OTUD7A: variants seen among roughly 807,000 people sequenced by gnomAD.
OTUD7A encodes the protein OTU deubiquitinase 7A, also known as OTU domain-containing protein 7A.
OTUD7A carries 12 observed loss-of-function variants against 65.7 expected under a neutral mutation model. That is an observed-to-expected ratio of 0.18 (90% confidence interval 0.12 to 0.30). The LOEUF (loss-of-function observed/expected upper bound fraction) is 0.30. OTUD7A is among the 10% of genes least tolerant of loss of function. The probability of loss-of-function intolerance (pLI) is 1.00; values close to 1 mark genes in which losing one functional copy is unlikely to be tolerated. For missense variants in OTUD7A, 1,148 were observed against 1,304.8 expected, an observed-to-expected ratio of 0.88 and a Z score of 1.85; for synonymous variants, 641 against 586.3, an observed-to-expected ratio of 1.09 and a Z score of -1.35.
At chr15:31,526,836 C>T (rs772024988) in intron 7 of OTUD7A, among the ~76,000 whole-genome samples, 11 of 152,128 alleles carry the variant, frequency 7.2e-5, no homozygotes, top group Non-Finnish European at 1.5e-4. Flanking sequence ...ACTGAGCTCA[C>T]ACACAGGGGC....
chr15:31,860,630 T>TCC (rs1897696968), intron 1 of OTUD7A, among the ~76,000 whole-genome samples: 1 of 18,526 alleles, frequency 5.4e-5, no homozygotes, highest in Non-Finnish European at 1.7e-4. Flanking sequence ...GAGATATATA[T>TCC]ATATATATAT....
chr15:31,807,780 A>G (rs2140956493), intron 1 of OTUD7A, among the ~76,000 whole-genome samples: 1 of 152,226 alleles, frequency 6.6e-6, no homozygotes, highest in South Asian at 2.1e-4. Context: ...AATGGAAATC[A>G]TATACCAACC....
intron 1 of OTUD7A, among the ~76,000 whole-genome samples, chr15:31,824,604 A>G (rs1896757614): frequency 6.6e-6 from 1 of 152,246 alleles, no homozygotes; most frequent in African/African-American, 2.4e-5. Context: ...AGCCTCTTCG[A>G]CATAGTGATC....
At chr15:31,854,061 A>C (rs1044907862) in intron 1 of OTUD7A, among the ~76,000 whole-genome samples, 5 of 152,212 alleles carry the variant, frequency 3.3e-5, no homozygotes, top group Non-Finnish European at 7.3e-5. Context: ...AAGCAATATA[A>C]ATTTATTTTC....
intron 1 of OTUD7A, among the ~76,000 whole-genome samples, chr15:31,689,767 C>T (rs1273766831): frequency 1.3e-5 from 2 of 152,154 alleles, no homozygotes; most frequent in East Asian, 3.9e-4. Context: ...GTGGACTTAA[C>T]AGACGTGAGG....
At chr15:31,781,517 C>T (rs143897085) in intron 1 of OTUD7A, among the ~76,000 whole-genome samples, 90 of 152,330 alleles carry the variant, frequency 5.9e-4, no homozygotes, top group African/African-American at 2.1e-3. Context: ...CAATCTCATT[C>T]ATGCAAACAT....
intron 1 of OTUD7A, among the ~76,000 whole-genome samples, chr15:31,843,165 C>T (rs1257054386): frequency 6.6e-6 from 1 of 151,996 alleles, no homozygotes; most frequent in Non-Finnish European, 1.5e-5. Context: ...TCCTGAGGTC[C>T]AAGGGGCAAA....
intron 1 of OTUD7A, among the ~76,000 whole-genome samples, chr15:31,673,860 C>T (rs1892539201): frequency 6.6e-6 from 1 of 152,170 alleles, no homozygotes; most frequent in African/African-American, 2.4e-5. Context: ...AACCTACTTG[C>T]CTCCTTCTTC....
chr15:31,656,614 G>T (rs1257892300), intron 2 of OTUD7A, among the ~76,000 whole-genome samples: 1 of 151,564 alleles, frequency 6.6e-6, no homozygotes, highest in Non-Finnish European at 1.5e-5. Context: ...GGGTGAGTTT[G>T]AATCCCATGC....
intron 1 of OTUD7A, among the ~76,000 whole-genome samples, chr15:31,660,426 G>T (rs137883436): frequency 3.3e-5 from 5 of 152,232 alleles, no homozygotes; most frequent in African/African-American, 1.2e-4. Flanking sequence ...GCATCTTCAC[G>T]GTTTAGATGA....
At chr15:31,803,274 A>G (rs749938420) in intron 1 of OTUD7A, among the ~76,000 whole-genome samples, 2 of 152,162 alleles carry the variant, frequency 1.3e-5, no homozygotes, top group Non-Finnish European at 2.9e-5. Context: ...GAATAAAAAC[A>G]TCTTGCCGTA....
intron 1 of OTUD7A, among the ~76,000 whole-genome samples, chr15:31,749,546 A>T (rs894315878): frequency 4.6e-5 from 7 of 152,212 alleles, no homozygotes; most frequent in African/African-American, 1.7e-4. Flanking sequence ...ACTGCAAAGA[A>T]TCCAAATGCT....
At chr15:31,802,284 G>A (rs1221839240) in intron 1 of OTUD7A, among the ~76,000 whole-genome samples, 2 of 152,088 alleles carry the variant, frequency 1.3e-5, no homozygotes, top group African/African-American at 2.4e-5. Flanking sequence ...CAGTGGTCGA[G>A]GGCAGGAAGC....
chr15:31,701,232 G>C (rs1893206431), intron 1 of OTUD7A, among the ~76,000 whole-genome samples: 1 of 151,282 alleles, frequency 6.6e-6, no homozygotes, highest in African/African-American at 2.4e-5. Flanking sequence ...TTGTAATGAT[G>C]TTGGTAGAAT....
chr15:31,772,251 CAAAAAAA>C (rs34676002), intron 1 of OTUD7A, among the ~76,000 whole-genome samples: 2 of 80,694 alleles, frequency 2.5e-5, no homozygotes, highest in Non-Finnish European at 5.0e-5. Context: ...GACTCCGTCT[CAAAAAAA>C]AAAAAAAAAA....
At chr15:31,691,422 A>C (rs1232453163) in intron 1 of OTUD7A, among the ~76,000 whole-genome samples, 2 of 152,208 alleles carry the variant, frequency 1.3e-5, no homozygotes, top group Non-Finnish European at 2.9e-5. Context: ...GAGAACCCAC[A>C]AATAAATCCA....
intron 9 of OTUD7A, among the ~76,000 whole-genome samples, chr15:31,502,773 C>G (rs544079981): frequency 4.6e-5 from 7 of 152,194 alleles, no homozygotes; most frequent in Non-Finnish European, 1.0e-4. Flanking sequence ...CCTGGTGTTG[C>G]ACGGAGACCT....
intron 1 of OTUD7A, among the ~76,000 whole-genome samples, chr15:31,742,706 C>T (rs745838846): frequency 4.0e-5 from 6 of 151,886 alleles, no homozygotes; most frequent in South Asian, 2.1e-4. Flanking sequence ...AAGCAAAACC[C>T]GAATAGACTT....
chr15:31,730,790 A>T (rs1894019738), intron 1 of OTUD7A, among the ~76,000 whole-genome samples: 1 of 152,188 alleles, frequency 6.6e-6, no homozygotes, highest in African/African-American at 2.4e-5. Flanking sequence ...GTCATCCCCC[A>T]GAGCACTGAG....
Sources: gnomAD v4.1 joint callset for allele counts (sites outside exome capture counted in the v4.1 genomes callset) on GRCh38, gnomAD v4.1.1 for gene constraint, MANE v1.5 for transcripts, NCBI Gene and HGNC (gene_info 2026-07-23, HGNC 2026-07-21) for gene names.